Variants in TUSC3 observed in about 807,000 individuals in gnomAD.
TUSC3 encodes dolichyl-diphosphooligosaccharide--protein glycosyltransferase subunit TUSC3.
In TUSC3, 45 loss-of-function variants were observed where a neutral mutation model predicts 44.8. That is an observed-to-expected ratio of 1.00 (90% CI 0.79 to 1.29). The LOEUF is 1.29. TUSC3 is among the 50% of genes most tolerant of loss of function. The pLI is 0.00. For synonymous variants in TUSC3, 212 were observed against 152.9 expected (o/e 1.39, Z -2.85); for missense variants, 519 against 437.9 (o/e 1.19, Z -1.65).
chr8:15,768,062 A>G (rs999653710), downstream of TUSC3, among the ~76,000 whole-genome samples: 1 of 152,176 alleles, frequency 6.6e-6, no homozygotes, highest in Non-Finnish European at 1.5e-5. Context: ...CAGGAAGTGA[A>G]GACTAAAACA....
intron 1 of TUSC3, among the ~76,000 whole-genome samples, chr8:15,598,606 C>A (rs906353636): frequency 5.2e-5 from 4 of 77,638 alleles, no homozygotes; most frequent in African/African-American, 1.9e-4. Context: ...CCTCCTTCTC[C>A]AGTCTCCACC....
the TUSC3 span, among the ~76,000 whole-genome samples, chr8:15,784,363 G>T: frequency 2.6e-5 from 4 of 152,064 alleles, no homozygotes; most frequent in African/African-American, 9.7e-5. Context: ...GGAAAAACAG[G>T]ATGTCCAACA....
At chr8:15,545,969 A>T (rs1389540795) in intron 1 of TUSC3, among the ~76,000 whole-genome samples, 2 of 151,746 alleles carry the variant, frequency 1.3e-5, no homozygotes, top group African/African-American at 2.4e-5. Context: ...CTCCATAAGA[A>T]TTCCTCCTGG....
At chr8:15,772,480 A>G in the TUSC3 span, among the ~76,000 whole-genome samples, 1 of 152,196 alleles carries the variant, frequency 6.6e-6, no homozygotes, top group Non-Finnish European at 1.5e-5. Flanking sequence ...CAACAAAAAC[A>G]AAATATGGAC....
intron 2 of TUSC3, among the ~76,000 whole-genome samples, chr8:15,648,306 T>G (rs906058752): frequency 1.3e-5 from 2 of 152,164 alleles, no homozygotes; most frequent in African/African-American, 4.8e-5. Flanking sequence ...TTGTTTTTGT[T>G]TTTTCCTTCC....
At chr8:15,823,448 C>A in the TUSC3 span, among the ~76,000 whole-genome samples, 1 of 152,118 alleles carries the variant, frequency 6.6e-6, no homozygotes. Context: ...AGCCGTCAAG[C>A]AACATTTCTT....
the TUSC3 span, among the ~76,000 whole-genome samples, chr8:15,836,229 A>C: frequency 6.6e-6 from 1 of 151,868 alleles, no homozygotes; most frequent in Non-Finnish European, 1.5e-5. Flanking sequence ...TAATCCCAGC[A>C]CTTTGGGAGG....
intron 9 of TUSC3, among the ~76,000 whole-genome samples, chr8:15,751,109 C>T (rs377581627): frequency 2.0e-5 from 3 of 151,976 alleles, no homozygotes; most frequent in Admixed American, 6.6e-5. Context: ...TGTGGGTTTA[C>T]GAGATTGACT....
intron 1 of TUSC3, among the ~76,000 whole-genome samples, chr8:15,458,722 T>G (rs1023260164): frequency 6.6e-6 from 1 of 152,162 alleles, no homozygotes; most frequent in South Asian, 2.1e-4. Context: ...AATGAACTAA[T>G]TTTTCATAGA....
At chr8:15,799,310 T>C in the TUSC3 span, among the ~76,000 whole-genome samples, 1 of 152,126 alleles carries the variant, frequency 6.6e-6, no homozygotes, top group Non-Finnish European at 1.5e-5. Flanking sequence ...AGAATAATGG[T>C]CCCAAAGTTT....
intron 1 of TUSC3, among the ~76,000 whole-genome samples, chr8:15,436,569 A>C (rs1171999317): frequency 3.3e-5 from 5 of 152,230 alleles, no homozygotes; most frequent in Admixed American, 6.5e-5. Context: ...GTCTTCATAT[A>C]AACCGTATGG....
At chr8:15,514,411 C>T (rs534582028) in intron 2 of TUSC3, among the ~76,000 whole-genome samples, 2 of 152,024 alleles carry the variant, frequency 1.3e-5, no homozygotes, top group Non-Finnish European at 2.9e-5. Context: ...CTCATGATTA[C>T]AAAGCATATA....
intron 7 of TUSC3, among the ~76,000 whole-genome samples, chr8:15,737,811 C>T (rs1811001577): frequency 6.6e-6 from 1 of 152,070 alleles, no homozygotes; most frequent in African/African-American, 2.4e-5. Context: ...GAAAGAAATG[C>T]CACGTAAGAA....
chr8:15,778,162 A>C, the TUSC3 span, among the ~76,000 whole-genome samples: 1 of 151,954 alleles, frequency 6.6e-6, no homozygotes, highest in Non-Finnish European at 1.5e-5. Flanking sequence ...CTTGTTTCCA[A>C]CTAATTAGGA....
chr8:15,457,820 AT>A (rs879879696), intron 1 of TUSC3, among the ~76,000 whole-genome samples: 11 of 58,026 alleles, frequency 1.9e-4, no homozygotes, highest in African/African-American at 3.8e-4. Context: ...TTATTAGATA[AT>A]TAATTATTAA....
the TUSC3 span, among the ~76,000 whole-genome samples, chr8:15,848,903 A>T: frequency 0.02 from 3,119 of 152,318 alleles, 118 homozygotes; most frequent in African/African-American, 0.07. Flanking sequence ...GCTTAATCGC[A>T]TAAACTACCT....
At chr8:15,645,371 C>G (rs991853578) in intron 2 of TUSC3, among the ~76,000 whole-genome samples, 1 of 152,054 alleles carries the variant, frequency 6.6e-6, no homozygotes, top group East Asian at 1.9e-4. Flanking sequence ...CTTTTCTCTC[C>G]CTGTCCTTGC....
intron 6 of TUSC3, among the ~76,000 whole-genome samples, chr8:15,699,462 G>C (rs551530900): frequency 6.6e-6 from 1 of 152,122 alleles, no homozygotes; most frequent in Non-Finnish European, 1.5e-5. Flanking sequence ...CCACCTGTCA[G>C]TATTCAAAAT....
intron 1 of TUSC3, among the ~76,000 whole-genome samples, chr8:15,619,742 C>G (rs1805158524): frequency 6.6e-6 from 1 of 152,078 alleles, no homozygotes; most frequent in South Asian, 2.1e-4. Flanking sequence ...CATCTCCTGA[C>G]CTTGTGAGCT....
Sources: allele counts gnomAD v4.1 joint callset (sites outside exome capture counted in the v4.1 genomes callset), GRCh38; gene constraint gnomAD v4.1.1; transcripts MANE v1.5; gene names NCBI Gene and HGNC (gene_info 2026-07-23, HGNC 2026-07-21).